DLGAP2: variants seen among roughly 807,000 people sequenced by gnomAD.
DLGAP2 encodes the protein disks large-associated protein 2.
Under a neutral mutation model 100.3 loss-of-function variants are expected in DLGAP2, and 26 were observed. The observed-to-expected ratio is 0.26, with a 90% CI of 0.19 to 0.36. The LOEUF (loss-of-function observed/expected upper bound fraction) is 0.36, where lower values mean the gene tolerates loss of function less well. Among genes scored for constraint, DLGAP2 ranks in the 10% least tolerant of loss-of-function variants. The pLI is 1.00. For synonymous variants in DLGAP2, 886 were observed against 630.1 expected, an observed-to-expected ratio of 1.41 and a Z score of -6.08; for missense variants, 1,858 against 1,453.2, an observed-to-expected ratio of 1.28 and a Z score of -4.53.
intron 2 of DLGAP2, among the ~76,000 whole-genome samples, chr8:1,178,058 C>G (rs1797300404): frequency 1.3e-5 from 2 of 152,218 alleles, no homozygotes; most frequent in Non-Finnish European, 2.9e-5. Flanking sequence ...TGCCTCTCAG[C>G]TCATGGGACA....
chr8:844,161 TAGAA>T (rs1563059867), intron 1 of DLGAP2, among the ~76,000 whole-genome samples: 1 of 152,216 alleles, frequency 6.6e-6, no homozygotes, highest in Non-Finnish European at 1.5e-5. Flanking sequence ...GTGAATGAGT[TAGAA>T]AGGAAGTGTG....
At chr8:1,698,869 G>C (rs1357258431) in intron 14 of DLGAP2, among the ~76,000 whole-genome samples, 1 of 150,406 alleles carries the variant, frequency 6.6e-6, no homozygotes, top group African/African-American at 2.5e-5. Flanking sequence ...GGACTAGGCA[G>C]GTCTGCGTAA....
At chr8:1,057,611 G>A (rs1462259548) in intron 2 of DLGAP2, among the ~76,000 whole-genome samples, 2 of 152,134 alleles carry the variant, frequency 1.3e-5, no homozygotes, top group African/African-American at 2.4e-5. Context: ...TCTAAACACC[G>A]ACAAAGTCTT....
chr8:1,438,182 C>A (rs1797707114), intron 3 of DLGAP2, among the ~76,000 whole-genome samples: 2 of 152,232 alleles, frequency 1.3e-5, no homozygotes, highest in South Asian at 2.1e-4. Context: ...GAGGGGCAAC[C>A]AGCGCTAGCC....
At chr8:875,930 C>A (rs1376605327) in intron 1 of DLGAP2, among the ~76,000 whole-genome samples, 1 of 152,194 alleles carries the variant, frequency 6.6e-6, no homozygotes, top group Non-Finnish European at 1.5e-5. Flanking sequence ...TGTTTCCCCT[C>A]TTCTGTGGTA....
intron 3 of DLGAP2, among the ~76,000 whole-genome samples, chr8:1,278,400 CAATT>C (rs1799749354): frequency 6.6e-6 from 1 of 152,138 alleles, no homozygotes; most frequent in African/African-American, 2.4e-5. Flanking sequence ...GGTCATTACT[CAATT>C]ACTTTACCTG....
chr8:764,120 C>T (rs1821152090), intron 1 of DLGAP2, among the ~76,000 whole-genome samples: 1 of 152,140 alleles, frequency 6.6e-6, no homozygotes, highest in Admixed American at 6.5e-5. Flanking sequence ...TCATGCCTCT[C>T]CCTCCTGAAG....
intron 3 of DLGAP2, chr8:1,296,031 G>A (rs559537408): frequency 2.6e-5 from 4 of 152,340 alleles, no homozygotes; most frequent in African/African-American, 9.6e-5. Flanking sequence ...ATCCCCGGAA[G>A]TGTGTCTGCC....
intron 3 of DLGAP2, among the ~76,000 whole-genome samples, chr8:1,376,446 A>G (rs1802390013): frequency 6.6e-6 from 1 of 152,260 alleles, no homozygotes; most frequent in African/African-American, 2.4e-5. Context: ...GGTGGCAGTG[A>G]ATCAGCCTGG....
intron 7 of DLGAP2, among the ~76,000 whole-genome samples, chr8:1,631,298 G>T (rs1471510633): frequency 1.3e-5 from 2 of 152,088 alleles, no homozygotes; most frequent in Non-Finnish European, 1.5e-5. Flanking sequence ...GGGCAGCTGG[G>T]CCCTGGGTCG....
At chr8:1,239,855 G>T (rs1798745024) in intron 2 of DLGAP2, among the ~76,000 whole-genome samples, 1 of 63,916 alleles carries the variant, frequency 1.6e-5, no homozygotes, top group Admixed American at 1.8e-4. Context: ...GTCATGTCTA[G>T]TTCTCTCTCA....
rs192908883 is a variant in DLGAP2, at chr8:767,729, G to T, written c.18+29904G>T. Among the ~76,000 whole-genome samples the T allele has an allele frequency of 1.6e-3, 238 of 152,280 alleles. 1 individual carries two copies. Among genetic ancestry groups the T allele is most frequent in the Middle Eastern group, 0.01 (3 of 294 alleles). On this transcript the variant is annotated intron_variant, in intron 1 of 14. Transcript: ENST00000637795. The stretch of plus-strand genomic sequence containing the variant: ...GTTGAGACATTATATTTCTACGGAG[G>T]TAGTGAGAATATTTGAGACACAGGC...
chr8:929,031 A>G (rs1280364273), intron 2 of DLGAP2, among the ~76,000 whole-genome samples: 1 of 59,038 alleles, frequency 1.7e-5, no homozygotes, highest in East Asian at 4.9e-4. Flanking sequence ...AACATCCCAG[A>G]CCCCCTGCCA....
At chr8:949,604 C>T (rs910917734) in intron 2 of DLGAP2, among the ~76,000 whole-genome samples, 4 of 152,228 alleles carry the variant, frequency 2.6e-5, no homozygotes, top group East Asian at 3.9e-4. Flanking sequence ...CAGGACGGGC[C>T]TCCCCGCTGC....
intron 2 of DLGAP2, among the ~76,000 whole-genome samples, chr8:1,128,719 C>T (rs1204262924): frequency 1.3e-5 from 2 of 152,110 alleles, no homozygotes; most frequent in Admixed American, 6.5e-5. Flanking sequence ...TACTTACGAG[C>T]GTGTGTCAGA....
chr8:1,072,074 C>T (rs139993635), intron 2 of DLGAP2, among the ~76,000 whole-genome samples: 49 of 152,292 alleles, frequency 3.2e-4, no homozygotes, highest in African/African-American at 1.1e-3. Context: ...TCTTTGGCTC[C>T]GTCCTGCCAT....
chr8:1,201,258 G>C (rs1373845123), intron 2 of DLGAP2, among the ~76,000 whole-genome samples: 2 of 152,216 alleles, frequency 1.3e-5, no homozygotes, highest in Non-Finnish European at 2.9e-5. Context: ...GAGGCTGGCA[G>C]GTCCCAACCA....
chr8:1,179,490 G>T (rs1360945078), intron 2 of DLGAP2, among the ~76,000 whole-genome samples: 1 of 152,230 alleles, frequency 6.6e-6, no homozygotes, highest in Non-Finnish European at 1.5e-5. Context: ...CAAGAGACGT[G>T]GCTGCCCCAC....
rs868129462 is a variant in DLGAP2 at position 737,630 on chromosome 8, A to C, written c.-178A>C. ...GAGTGCGCAGGCGCCGGCCGTGAAG[A>C]CCGACCGTGCGCCGGGCTCGAGCGC... On this transcript the variant is annotated 5_prime_UTR_variant, in exon 1 of 15. Transcript: ENST00000637795. 2.0e-4 allele frequency: 68 copies of C among 342,360 alleles called. No homozygotes were observed. Among genetic ancestry groups the C allele is most frequent in the East Asian group, 7.0e-4 (16 of 22,994 alleles). 21.2% of individuals were successfully genotyped at this position (342,360 alleles called of 1,614,324 possible).
Sources: gnomAD v4.1 joint callset for allele counts (sites outside exome capture counted in the v4.1 genomes callset) on GRCh38, gnomAD v4.1.1 for gene constraint, MANE v1.5 for transcripts, NCBI Gene and HGNC (gene_info 2026-07-23, HGNC 2026-07-21) for gene names.